STEAP1B: variants seen among roughly 807,000 people sequenced by gnomAD.
STEAP1B encodes the protein STEAP family member 1B.
Under a neutral mutation model 27.9 loss-of-function variants are expected in STEAP1B, and 13 were observed. The ratio of observed to expected loss-of-function variants is 0.47; its 90% CI spans 0.30 to 0.74. STEAP1B has a LOEUF of 0.74. Ranked by LOEUF, STEAP1B falls within the 30% of genes least tolerant of loss-of-function variation. The pLI, the probability that STEAP1B is intolerant of heterozygous loss-of-function variation, is 0.06. For missense variants in STEAP1B, 250 were observed against 298.7 expected (o/e 0.84, Z 1.20); for synonymous variants, 86 against 107.1 (o/e 0.80, Z 1.22).
At chr7:22,487,830 G>T (rs976798260) in intron 4 of STEAP1B, among the ~76,000 whole-genome samples, 1 of 128,454 alleles carries the variant, frequency 7.8e-6, no homozygotes, top group Admixed American at 7.7e-5. Context: ...AAAGAAAAAA[G>T]AAAAAAAAAA....
At chr7:22,476,268 A>G (rs750626876) in intron 4 of STEAP1B, among the ~76,000 whole-genome samples, 7 of 152,154 alleles carry the variant, frequency 4.6e-5, no homozygotes, top group East Asian at 1.9e-4. Flanking sequence ...ATTAACCTCA[A>G]TAGGGATGGT....
intron 4 of STEAP1B, among the ~76,000 whole-genome samples, chr7:22,423,765 A>G (rs3114706): frequency 0.79 from 119,505 of 152,226 alleles, 47,009 homozygotes; most frequent in Admixed American, 0.83. Context: ...ACAGTGTTTC[A>G]CACTTGTAAT....
intron 4 of STEAP1B, among the ~76,000 whole-genome samples, chr7:22,432,744 A>G (rs1388080858): frequency 6.6e-6 from 1 of 152,174 alleles, no homozygotes; most frequent in African/African-American, 2.4e-5. Context: ...CTAGTACAAT[A>G]CCTGAATGAA....
chr7:22,453,391 C>T (rs1785521330), intron 4 of STEAP1B, among the ~76,000 whole-genome samples: 1 of 106,178 alleles, frequency 9.4e-6, no homozygotes. Flanking sequence ...GCATTTCCCC[C>T]TGAACTCTAC....
In STEAP1B at chr7:22,456,968, A is replaced by T. The variant is rs1482629819; in HGVS notation, c.762+35597T>A. Among the ~76,000 whole-genome samples, 191 of 47,882 alleles carry T rather than the reference A, an allele frequency of 4.0e-3. 6 individuals carry two copies. Among genetic ancestry groups the T allele is most frequent in the Middle Eastern group, 9.8e-3 (1 of 102 alleles). 31.4% of individuals were successfully genotyped at this position (47,882 alleles called of 152,430 possible). A position where few individuals can be genotyped will look rare whatever the true frequency, so the allele number is the denominator to read the frequency against. ...GATAGGCAGCTATATATATATATAT[A>T]TATATTTTTTTTTTTTTTAAGTATC... On this transcript the variant is annotated intron_variant, in intron 4 of 4. Coordinates refer to ENST00000678116, the MANE Select transcript of STEAP1B (RefSeq NM_001382447.1).
At chr7:22,492,506 C>A (rs1300504093) in intron 4 of STEAP1B, 59 bp downstream of exon 4, 2 of 1,499,386 alleles carry the variant, frequency 1.3e-6, no homozygotes, top group African/African-American at 2.9e-5. Context: ...CCAACATATT[C>A]TATATCATAA....
Position 22,419,706 on chromosome 7 carries a change from C to T in STEAP1B, c.*98G>A. 1 of 1,372,262 alleles carries T rather than the reference C, an allele frequency of 7.3e-7. No homozygotes were observed. The highest frequency in any genetic ancestry group is 1.5e-5 in the South Asian group (1 of 65,632). 85.0% of individuals were successfully genotyped at this position (1,372,262 alleles called of 1,614,324 possible). On this transcript the variant is annotated 3_prime_UTR_variant, in exon 5 of 5. Transcript: ENST00000678116. ...CCTGCAGCATGGCTGTTCATTGTGGCAGAGGGAAAGGGCACTGGGTGGTGT... is the reference window on the plus strand; with the variant it reads ...CCTGCAGCATGGCTGTTCATTGTGGTAGAGGGAAAGGGCACTGGGTGGTGT...
At chr7:22,451,933 A>AT (rs1363638900) in intron 4 of STEAP1B, among the ~76,000 whole-genome samples, 2 of 152,208 alleles carry the variant, frequency 1.3e-5, no homozygotes, top group East Asian at 3.9e-4. Context: ...CTCCTTCTCT[A>AT]TTTTTTGCAT....
chr7:22,468,716 A>G (rs1345179673), intron 4 of STEAP1B, among the ~76,000 whole-genome samples: 1 of 152,242 alleles, frequency 6.6e-6, no homozygotes. Context: ...CGCATTGCAT[A>G]ATGATGTTCA....
At chr7:22,438,543 ATGAAGC>A (rs1430260394) in intron 4 of STEAP1B, 2 of 1,551,864 alleles carry the variant, frequency 1.3e-6, no homozygotes, top group African/African-American at 2.7e-5. Flanking sequence ...GATTTTCTAG[ATGAAGC>A]TGAAACATGT....
chr7:22,455,519 T>C (rs1392382342), intron 4 of STEAP1B, among the ~76,000 whole-genome samples: 1 of 152,234 alleles, frequency 6.6e-6, no homozygotes, highest in African/African-American at 2.4e-5. Context: ...GTTAGATATT[T>C]GGATACCCTC....
At chr7:22,494,408 C>T (rs1395035082) in intron 2 of STEAP1B, among the ~76,000 whole-genome samples, 3 of 149,582 alleles carry the variant, frequency 2.0e-5, no homozygotes, top group African/African-American at 7.4e-5. Flanking sequence ...TACAAAATTA[C>T]TGTTATATGG....
At chr7:22,464,062 C>A (rs28377318) in intron 4 of STEAP1B, among the ~76,000 whole-genome samples, 23,152 of 152,126 alleles carry the variant, frequency 0.15, 1,816 homozygotes, top group Non-Finnish European at 0.17. Context: ...ACTCATCTGA[C>A]AAAGGGCTAA....
chr7:22,461,810 G>A (rs1187071460), intron 4 of STEAP1B, among the ~76,000 whole-genome samples: 2 of 152,214 alleles, frequency 1.3e-5, no homozygotes, highest in Non-Finnish European at 2.9e-5. Context: ...TGTTAAACCA[G>A]ATGTAACCTA....
At chr7:22,445,435 G>A (rs771483836) in intron 4 of STEAP1B, among the ~76,000 whole-genome samples, 1 of 152,260 alleles carries the variant, frequency 6.6e-6, no homozygotes, top group Admixed American at 6.5e-5. Context: ...TCAGCCAGTC[G>A]TGCTGGGATC....
intron 1 of STEAP1B, chr7:22,495,251 T>C (rs1015163456): frequency 1.3e-5 from 2 of 157,826 alleles, no homozygotes; most frequent in Non-Finnish European, 2.8e-5. Context: ...GAATGCATTA[T>C]ATTGAGAGTA....
At chr7:22,469,618 A>G (rs549500494) in intron 4 of STEAP1B, among the ~76,000 whole-genome samples, 1 of 152,282 alleles carries the variant, frequency 6.6e-6, no homozygotes, top group Admixed American at 6.5e-5. Flanking sequence ...AACACTTACC[A>G]CCGTGATACA....
chr7:22,436,924 T>G (rs1444606027), intron 4 of STEAP1B, among the ~76,000 whole-genome samples: 1 of 152,194 alleles, frequency 6.6e-6, no homozygotes, highest in Non-Finnish European at 1.5e-5. Context: ...ATGGGATTTC[T>G]GGGTCAAATG....
chr7:22,454,857 A>AAATATAAATATATATACG (rs1562572878), intron 4 of STEAP1B, among the ~76,000 whole-genome samples: 5 of 68,126 alleles, frequency 7.3e-5, no homozygotes, highest in Non-Finnish European at 1.1e-4. Flanking sequence ...ATGTATATAT[A>AAATATAAATATATATACG]TATATATATT....
Sources: allele counts gnomAD v4.1 joint callset (sites outside exome capture counted in the v4.1 genomes callset), GRCh38; gene constraint gnomAD v4.1.1; transcripts MANE v1.5; gene names NCBI Gene and HGNC (gene_info 2026-07-23, HGNC 2026-07-21).